Variants in RGS6 observed in about 807,000 individuals in gnomAD.
RGS6 encodes the protein regulator of G-protein signaling 6.
In RGS6, 30 loss-of-function variants were observed where a neutral mutation model predicts 78.5. The ratio of observed to expected loss-of-function variants is 0.38; its 90% CI spans 0.29 to 0.52. The LOEUF (loss-of-function observed/expected upper bound fraction) is 0.52, where lower values mean the gene tolerates loss of function less well. Ranked by LOEUF, RGS6 falls within the 20% of genes least tolerant of loss-of-function variation. The probability of loss-of-function intolerance (pLI) is 0.85; values close to 1 mark genes in which losing one functional copy is unlikely to be tolerated. For missense variants in RGS6, 495 were observed against 609.7 expected, an observed-to-expected ratio of 0.81 and a Z score of 1.98; for synonymous variants, 206 against 206.0, an observed-to-expected ratio of 1.00 and a Z score of 0.00.
At chr14:72,477,243 G>A (rs1226064343) in intron 11 of RGS6, 1 of 162,608 alleles carries the variant, frequency 6.1e-6, no homozygotes, top group Admixed American at 6.3e-5. Flanking sequence ...AATAAATAAA[G>A]CTCTACTCCC....
At chr14:72,607,535 T>C in the RGS6 span, among the ~76,000 whole-genome samples, 560 of 152,320 alleles carry the variant, frequency 3.7e-3, 2 homozygotes, top group Middle Eastern at 0.027. Flanking sequence ...TTTCAACATA[T>C]GGATTTTGGG....
At chr14:72,061,017 AG>A (rs2093867826) in intron 2 of RGS6, among the ~76,000 whole-genome samples, 1 of 152,172 alleles carries the variant, frequency 6.6e-6, no homozygotes, top group Non-Finnish European at 1.5e-5. Flanking sequence ...GCAGTCCTAA[AG>A]GCTGCAAATA....
chr14:72,241,377 C>T (rs1310207366), intron 2 of RGS6, among the ~76,000 whole-genome samples: 1 of 152,170 alleles, frequency 6.6e-6, no homozygotes, highest in Non-Finnish European at 1.5e-5. Flanking sequence ...ATCCAGCTCT[C>T]CAGACAATAG....
At chr14:72,459,912 A>C (rs2095734934) in intron 6 of RGS6, among the ~76,000 whole-genome samples, 1 of 152,326 alleles carries the variant, frequency 6.6e-6, no homozygotes, top group South Asian at 2.1e-4. Context: ...AGGAGAGGGA[A>C]GAAAAATCTT....
At chr14:72,477,638 T>C (rs1056135066) in intron 11 of RGS6, among the ~76,000 whole-genome samples, 4 of 151,176 alleles carry the variant, frequency 2.6e-5, no homozygotes, top group Non-Finnish European at 1.5e-5. Flanking sequence ...CTACTAAAAA[T>C]AGAAAAAAGT....
At chr14:72,135,814 T>G (rs981779223) in intron 2 of RGS6, among the ~76,000 whole-genome samples, 16 of 151,854 alleles carry the variant, frequency 1.1e-4, no homozygotes, top group Non-Finnish European at 2.4e-4. Context: ...TTTTCCTGAA[T>G]AGTAGGATGT....
intron 3 of RGS6, among the ~76,000 whole-genome samples, chr14:72,358,985 A>T (rs1424247394): frequency 6.6e-6 from 1 of 152,186 alleles, no homozygotes; most frequent in Non-Finnish European, 1.5e-5. Flanking sequence ...TGCTTTCCTC[A>T]TGATAGTGAG....
intron 2 of RGS6, among the ~76,000 whole-genome samples, chr14:72,214,086 C>A (rs1162721682): frequency 2.5e-4 from 1 of 3,926 alleles, no homozygotes; most frequent in Non-Finnish European, 3.9e-4. Context: ...TTGTTTTATG[C>A]ATTTTGAGTT....
chr14:72,434,298 C>T (rs1483824935), intron 3 of RGS6, among the ~76,000 whole-genome samples: 2 of 152,216 alleles, frequency 1.3e-5, no homozygotes, highest in African/African-American at 4.8e-5. Flanking sequence ...GCTCTCACCT[C>T]TGCACTACAG....
At chr14:71,991,992 CT>C (rs2094973066) in intron 2 of RGS6, among the ~76,000 whole-genome samples, 3 of 150,700 alleles carry the variant, frequency 2.0e-5, no homozygotes, top group Non-Finnish European at 4.4e-5. Context: ...ATGGGTGGGG[CT>C]GTAGTTTGCC....
At chr14:72,280,950 A>T (rs2061463577) in intron 2 of RGS6, among the ~76,000 whole-genome samples, 1 of 152,174 alleles carries the variant, frequency 6.6e-6, no homozygotes, top group Non-Finnish European at 1.5e-5. Flanking sequence ...ATGTGGACAG[A>T]TGGTTATGAC....
rs77117852 is a variant in RGS6, at chr14:72,415,815, C to T, written c.185-38713C>T. Among the ~76,000 whole-genome samples, 663 of 152,284 alleles carry T rather than the reference C, an allele frequency of 4.4e-3. 5 individuals are homozygous for T. Among genetic ancestry groups the T allele is most frequent in the African/African-American group, 0.015 (621 of 41,546 alleles). ...ACTCCTCTCTGTCTCTGTTTATGTG[C>T]ATTCATTTGATTGTACACTTGTATA... On this transcript the variant is annotated intron_variant, in intron 3 of 17. Transcript: ENST00000553525.
chr14:71,897,734 T>C, the RGS6 span, among the ~76,000 whole-genome samples: 1 of 152,088 alleles, frequency 6.6e-6, no homozygotes. Flanking sequence ...TTAGCCAAGA[T>C]GGTCTCGATC....
chr14:71,872,623 G>GT, the RGS6 span, among the ~76,000 whole-genome samples: 9 of 151,838 alleles, frequency 5.9e-5, no homozygotes, highest in Non-Finnish European at 7.4e-5. Context: ...ATATCAGTAA[G>GT]TTTTTTTTGT....
chr14:72,018,952 A>C (rs2087721783), intron 2 of RGS6, among the ~76,000 whole-genome samples: 1 of 152,152 alleles, frequency 6.6e-6, no homozygotes, highest in African/African-American at 2.4e-5. Context: ...GGTGAGTGTG[A>C]ATGTGTGTCT....
chr14:72,353,249 T>G (rs143125890), intron 3 of RGS6, among the ~76,000 whole-genome samples: 58 of 152,232 alleles, frequency 3.8e-4, no homozygotes, highest in African/African-American at 1.3e-3. Flanking sequence ...TATGTAAGGG[T>G]TTATAGCAAC....
intron 1 of RGS6, among the ~76,000 whole-genome samples, chr14:71,949,085 G>T (rs771818782): frequency 6.8e-6 from 1 of 148,012 alleles, no homozygotes; most frequent in East Asian, 2.0e-4. Context: ...GGACATTTGG[G>T]ATATTTCTAG....
At chr14:72,234,969 G>A (rs1224165766) in intron 2 of RGS6, among the ~76,000 whole-genome samples, 1 of 152,146 alleles carries the variant, frequency 6.6e-6, no homozygotes, top group African/African-American at 2.4e-5. Flanking sequence ...TCCCACCTCA[G>A]AGACGATATT....
At chr14:72,221,122 G>T (rs1053604267) in intron 2 of RGS6, among the ~76,000 whole-genome samples, 2 of 152,144 alleles carry the variant, frequency 1.3e-5, no homozygotes, top group Non-Finnish European at 2.9e-5. Flanking sequence ...AGATCCCAGT[G>T]TGTCCCAGAG....
Sources: gnomAD v4.1 joint callset for allele counts (sites outside exome capture counted in the v4.1 genomes callset) on GRCh38, gnomAD v4.1.1 for gene constraint, MANE v1.5 for transcripts, NCBI Gene and HGNC (gene_info 2026-07-23, HGNC 2026-07-21) for gene names.